The following TRABD2A variants were observed in gnomAD, a reference collection of about 807,000 sequenced individuals.
TRABD2A encodes the protein metalloprotease TIKI1.
In TRABD2A, 43 loss-of-function variants were observed where a neutral mutation model predicts 45.6. The ratio of observed to expected loss-of-function variants is 0.94; its 90% CI spans 0.74 to 1.22. The LOEUF (loss-of-function observed/expected upper bound fraction) is 1.22, where lower values mean the gene tolerates loss of function less well. TRABD2A is among the 50% of genes most tolerant of loss of function. The pLI is 0.00. For missense variants in TRABD2A, 642 were observed against 652.4 expected, an observed-to-expected ratio of 0.98 and a Z score of 0.17; for synonymous variants, 269 against 265.0, an observed-to-expected ratio of 1.02 and a Z score of -0.15.
At chr2:84,853,103 G>A (rs926077019) in intron 2 of TRABD2A, among the ~76,000 whole-genome samples, 1 of 152,032 alleles carries the variant, frequency 6.6e-6, no homozygotes, top group African/African-American at 2.4e-5. Flanking sequence ...GATCATTAGG[G>A]TGGGTTCTAA....
intron 2 of TRABD2A, among the ~76,000 whole-genome samples, chr2:84,855,258 C>T (rs1682235250): frequency 6.7e-6 from 1 of 150,112 alleles, no homozygotes; most frequent in Non-Finnish European, 1.5e-5. Context: ...GGGCAAGATA[C>T]AGGAGACCAC....
rs528701976 is a variant in TRABD2A at position 84,832,062 on chromosome 2, TGGGTCGTCCAGCAGG to T, written c.1060_1074del (p.Pro354_Pro358del). Reference sequence around the variant, plus strand: ...GAAGCACAGGACGGTTACTTGTGGATGGGTCGTCCAGCAGGGGCGTGTTCTACCTCATAGCCTTCA... The same window carrying T: ...GAAGCACAGGACGGTTACTTGTGGATGGCGTGTTCTACCTCATAGCCTTCA... On this transcript the variant is annotated inframe_deletion, in exon 5 of 7. Transcript: ENST00000409520. The T allele has an allele frequency of 1.8e-4, 289 of 1,614,002 alleles. 3 individuals are homozygous for T. The East Asian group carries it at 5.4e-3, about 30-fold the overall frequency.
chr2:84,859,415 T>C (rs528462620), intron 2 of TRABD2A, among the ~76,000 whole-genome samples: 1 of 152,364 alleles, frequency 6.6e-6, no homozygotes, highest in African/African-American at 2.4e-5. Flanking sequence ...CCTTGCTCTC[T>C]AGAAGTTTAT....
intron 3 of TRABD2A, among the ~76,000 whole-genome samples, chr2:84,839,605 T>TAA (rs199926813): frequency 4.3e-5 from 6 of 138,890 alleles, no homozygotes; most frequent in African/African-American, 1.3e-4. Context: ...CGTGTGTTTA[T>TAA]AAAAAAAAAA....
intron 5 of TRABD2A, among the ~76,000 whole-genome samples, chr2:84,827,297 C>T (rs1050987474): frequency 1.3e-5 from 2 of 152,192 alleles, no homozygotes; most frequent in African/African-American, 4.8e-5. Context: ...AAGAAAGAAA[C>T]ACACTGGTTG....
rs748321473 is a variant in TRABD2A at position 84,839,113 on chromosome 2, A to T, written c.991+36T>A. The T allele has an allele frequency of 3.1e-6, 5 of 1,608,792 alleles. No individual in the cohort carries two copies. The East Asian group carries it at 1.1e-4, about 36-fold the overall frequency. On this transcript the variant is annotated intron_variant, in intron 4 of 6. Coordinates refer to ENST00000409520, the MANE Select transcript of TRABD2A (RefSeq NM_001277053.2). ...ATTCCCTTCTTGGGAGAAGCCTCAG[A>T]TTTCAGAGGCTAATCAGAGGTGACC...
intron 2 of TRABD2A, among the ~76,000 whole-genome samples, chr2:84,860,448 A>C (rs1346815451): frequency 1.3e-5 from 2 of 152,200 alleles, no homozygotes; most frequent in African/African-American, 4.8e-5. Context: ...AGTCAAGGAG[A>C]GAGGCCTTGG....
In TRABD2A at chr2:84,842,003, A is replaced by AT; in HGVS notation, c.673dup (p.Ile225AsnfsTer33). On this transcript the variant is annotated frameshift_variant, in exon 3 of 7. Transcript: ENST00000409520. LOFTEE classifies it high-confidence loss of function. The stretch of plus-strand genomic sequence containing the variant: ...CAGGAGGGTCTGGTTCAAAGCAAAG[A>AT]TGACCTAAAAGAAAGGTCTCTTTTA... 1 of 1,501,386 alleles carries AT rather than the reference A, an allele frequency of 6.7e-7. No homozygotes were observed. Among genetic ancestry groups the AT allele is most frequent in the East Asian group, 2.5e-5 (1 of 40,322 alleles). The allele number at this position is 1,501,386 out of a possible 1,614,324, so 93.0% of individuals were successfully genotyped here.
chr2:84,851,049 A>G (rs183096883), intron 2 of TRABD2A: 4 of 152,386 alleles, frequency 2.6e-5, no homozygotes, highest in African/African-American at 7.2e-5. Flanking sequence ...AACAGTAGCT[A>G]TGCTTAAAGC....
In TRABD2A at chr2:84,824,102, C is replaced by T. The variant is rs748855943; in HGVS notation, c.1185G>A (p.Gly395=). ...ACACAAGGGGAGGCAGCGTTGAGTG[C>T]CCTGAGGATACGGCTTCTGGTGCCG... ...EVPAPEAVSS[G]HSTLPPLVSR... Residue 395 remains glycine (G), a synonymous_variant, in exon 6 of 7, where the codon GGG becomes GGA. Transcript: ENST00000409520. The T allele has an allele frequency of 3.1e-6, 5 of 1,613,828 alleles. No individual in the cohort carries two copies. Among genetic ancestry groups the T allele is most frequent in the Non-Finnish European group, 3.4e-6 (4 of 1,179,812 alleles).
chr2:84,832,462 T>C (rs1380423462), intron 4 of TRABD2A: 3 of 323,878 alleles, frequency 9.3e-6, no homozygotes, highest in African/African-American at 2.1e-5. Context: ...AGAGGTGATA[T>C]GTGAGCAGGA....
At chr2:84,842,238 GAC>G (rs1681735543) in intron 2 of TRABD2A, among the ~76,000 whole-genome samples, 1 of 152,158 alleles carries the variant, frequency 6.6e-6, no homozygotes, top group Admixed American at 6.5e-5. Context: ...CCTTATGGAG[GAC>G]ACAGACAACC....
chr2:84,872,974 G>A (rs1682911495), intron 1 of TRABD2A, among the ~76,000 whole-genome samples: 1 of 152,038 alleles, frequency 6.6e-6, no homozygotes, highest in Non-Finnish European at 1.5e-5. Flanking sequence ...AATTAGCCAG[G>A]TGTGGTGGCC....
At chr2:84,833,022 G>A (rs1681393565) in intron 4 of TRABD2A, 1 of 152,238 alleles carries the variant, frequency 6.6e-6, no homozygotes, top group African/African-American at 2.4e-5. Flanking sequence ...AGGGAACCCT[G>A]GGAGCCTGCG....
chr2:84,861,390 A>G (rs1431106031), intron 2 of TRABD2A, among the ~76,000 whole-genome samples: 1 of 152,136 alleles, frequency 6.6e-6, no homozygotes, highest in Non-Finnish European at 1.5e-5. Context: ...ACAGTGACAG[A>G]TCATCAGGCA....
At chr2:84,829,624 C>T (rs543379624) in intron 5 of TRABD2A, among the ~76,000 whole-genome samples, 15 of 127,392 alleles carry the variant, frequency 1.2e-4, no homozygotes, top group East Asian at 2.2e-4. Flanking sequence ...CACAACACAA[C>T]GCAAACCCCA....
chr2:84,822,144 A>C, intron 6 of TRABD2A, 44 bp from the exon 7 acceptor site: 1 of 1,479,388 alleles, frequency 6.8e-7, no homozygotes, highest in Non-Finnish European at 9.0e-7. Flanking sequence ...CACAGCAGAA[A>C]CCACTGCACA....
rs1401600406 is a variant in TRABD2A, at chr2:84,824,029, G to A, written c.1258C>T (p.Arg420Trp). The A allele has an allele frequency of 1.9e-6, 3 of 1,613,828 alleles. No individual in the cohort carries two copies. Among genetic ancestry groups the A allele is most frequent in the Non-Finnish European group, 1.7e-6 (2 of 1,179,812 alleles). The change falls in exon 6 of 7, where the codon CGG (arginine) becomes TGG (tryptophan). Residue 420 changes from arginine (R) to tryptophan (W), a missense_variant. Coordinates refer to ENST00000409520, the MANE Select transcript of TRABD2A (RefSeq NM_001277053.2). ...CGCTGTGACCGCCTCCGCTTCTTCC[G>A]GAACCTCTGTTCGGCCTCACTGGGC... ...DTPSEAEQRFRKKRRRSQRRP... is the reference protein window; with the variant it reads ...DTPSEAEQRFWKKRRRSQRRP...
chr2:84,827,776 G>A (rs568058073), intron 5 of TRABD2A, among the ~76,000 whole-genome samples: 1 of 152,286 alleles, frequency 6.6e-6, no homozygotes, highest in Admixed American at 6.5e-5. Flanking sequence ...GTCAGAGGGG[G>A]ATATGACTAT....
Sources: gnomAD v4.1 joint callset for allele counts (sites outside exome capture counted in the v4.1 genomes callset) on GRCh38, gnomAD v4.1.1 for gene constraint, MANE v1.5 for transcripts, NCBI Gene and HGNC (gene_info 2026-07-23, HGNC 2026-07-21) for gene names.